The following ZFPM2 variants were observed in gnomAD, a reference collection of about 807,000 sequenced individuals.
The protein encoded by ZFPM2 is zinc finger protein, FOG family member 2.
In ZFPM2, 20 loss-of-function variants were observed where a neutral mutation model predicts 98.6. That is an observed-to-expected ratio of 0.20 (90% CI 0.14 to 0.29). The LOEUF (loss-of-function observed/expected upper bound fraction) is 0.29, where lower values mean the gene tolerates loss of function less well. Ranked by LOEUF, ZFPM2 falls within the 10% of genes least tolerant of loss-of-function variation. ZFPM2 has a pLI of 1.00. For missense variants in ZFPM2, 1,310 were observed against 1,388.6 expected (o/e 0.94, Z 0.90); for synonymous variants, 518 against 502.7 (o/e 1.03, Z -0.41).
chr8:105,437,323 C>A (rs1812140581), intron 2 of ZFPM2, among the ~76,000 whole-genome samples: 1 of 152,166 alleles, frequency 6.6e-6, no homozygotes, highest in South Asian at 2.1e-4. Flanking sequence ...TGGAGCAAAT[C>A]ATTCAATGAA....
intron 4 of ZFPM2, among the ~76,000 whole-genome samples, chr8:105,567,308 C>T (rs1815262408): frequency 6.6e-6 from 1 of 152,166 alleles, no homozygotes; most frequent in South Asian, 2.1e-4. Context: ...GAGCAAACTC[C>T]TTGCAAGCTG....
At chr8:105,798,999 T>A in intron 7 of ZFPM2, 51 bp downstream of exon 7, 1 of 1,457,514 alleles carries the variant, frequency 6.9e-7, no homozygotes. Flanking sequence ...CTGTTATTTT[T>A]ATAAATATAT....
intron 5 of ZFPM2, among the ~76,000 whole-genome samples, chr8:105,664,236 C>A (rs1817446982): frequency 6.6e-6 from 1 of 152,018 alleles, no homozygotes; most frequent in Non-Finnish European, 1.5e-5. Context: ...CTAAGTTATG[C>A]AGATCTTGCA....
At chr8:105,705,291 ATTAAGT>A (rs941033734) in intron 5 of ZFPM2, among the ~76,000 whole-genome samples, 26 of 152,170 alleles carry the variant, frequency 1.7e-4, no homozygotes, top group African/African-American at 3.4e-4. Context: ...TACAAATAAG[ATTAAGT>A]TTAAGACTGT....
At chr8:105,669,561 T>C (rs1469759364) in intron 5 of ZFPM2, among the ~76,000 whole-genome samples, 1 of 151,788 alleles carries the variant, frequency 6.6e-6, no homozygotes, top group African/African-American at 2.4e-5. Context: ...TGTGTGTGTG[T>C]GTGTAAATAA....
intron 5 of ZFPM2, among the ~76,000 whole-genome samples, chr8:105,775,077 T>TAAAAAAAAAAA (rs397968210): frequency 3.8e-5 from 4 of 104,926 alleles, no homozygotes; most frequent in Non-Finnish European, 2.0e-5. Flanking sequence ...CTCTTGGAAT[T>TAAAAAAAAAAA]AAAAAAAAAA....
chr8:105,342,241 A>T (rs1224524377), intron 1 of ZFPM2, among the ~76,000 whole-genome samples: 1 of 152,050 alleles, frequency 6.6e-6, no homozygotes, highest in Non-Finnish European at 1.5e-5. Flanking sequence ...TATAATGTCA[A>T]AATCTCCTTT....
intron 3 of ZFPM2, among the ~76,000 whole-genome samples, chr8:105,504,211 T>C (rs143320941): frequency 2.0e-4 from 31 of 152,318 alleles, no homozygotes; most frequent in African/African-American, 6.7e-4. Flanking sequence ...CAGAAGAGGA[T>C]ATTATCATCT....
At chr8:105,522,331 G>C (rs1170586803) in intron 3 of ZFPM2, among the ~76,000 whole-genome samples, 1 of 152,146 alleles carries the variant, frequency 6.6e-6, no homozygotes, top group African/African-American at 2.4e-5. Context: ...ATGTTTGGGA[G>C]AACAACATCT....
intron 1 of ZFPM2, among the ~76,000 whole-genome samples, chr8:105,388,806 TC>T (rs1464688097): frequency 6.6e-6 from 1 of 152,094 alleles, no homozygotes; most frequent in African/African-American, 2.4e-5. Context: ...TGCGTTGCTG[TC>T]CTCTTCCAAC....
chr8:105,729,186 T>A (rs143561876), intron 5 of ZFPM2, among the ~76,000 whole-genome samples: 97 of 151,864 alleles, frequency 6.4e-4, no homozygotes, highest in African/African-American at 2.2e-3. Context: ...GAAGGTTAAG[T>A]TCATTATTGT....
At position 105,788,628 on chromosome 8, in the gene ZFPM2, CATG is replaced by C. The variant is rs1312407433; in HGVS notation, c.533-88_533-86del. 2.3e-6 allele frequency: 3 copies of C among 1,277,624 alleles called. No individual in the cohort carries two copies. In the African/African-American group the frequency reaches 4.4e-5, roughly 19 times the overall value. The allele number at this position is 1,277,624 out of a possible 1,614,324, so 79.1% of individuals were successfully genotyped here. ...CTCCAGTAGAAACCAGTGTGAAAAACATGAGAAGGTGCTATGGACATCAATCTA... is the reference window on the plus strand; with the variant it reads ...CTCCAGTAGAAACCAGTGTGAAAAACAGAAGGTGCTATGGACATCAATCTA... On this transcript the variant is annotated intron_variant, in intron 5 of 7. Coordinates refer to ENST00000407775, the MANE Select transcript of ZFPM2 (RefSeq NM_012082.4).
intron 5 of ZFPM2, among the ~76,000 whole-genome samples, chr8:105,702,089 C>A (rs1179584180): frequency 6.6e-6 from 1 of 152,196 alleles, no homozygotes; most frequent in Non-Finnish European, 1.5e-5. Context: ...ATCCATCTTA[C>A]AATGTGGTTC....
intron 1 of ZFPM2, among the ~76,000 whole-genome samples, chr8:105,389,371 T>C (rs554133153): frequency 6.6e-6 from 1 of 152,058 alleles, no homozygotes; most frequent in South Asian, 2.1e-4. Flanking sequence ...ATATAAAGGG[T>C]TAAATGGACA....
intron 4 of ZFPM2, among the ~76,000 whole-genome samples, chr8:105,603,412 CT>C (rs1243676320): frequency 1.3e-5 from 2 of 152,046 alleles, no homozygotes; most frequent in Admixed American, 6.6e-5. Flanking sequence ...AAAAATGGTT[CT>C]GCCTAATTGG....
chr8:105,689,601 G>C (rs1313955412), intron 5 of ZFPM2, among the ~76,000 whole-genome samples: 2 of 152,176 alleles, frequency 1.3e-5, no homozygotes, highest in Admixed American at 6.5e-5. Flanking sequence ...GTATAAACAA[G>C]TTGAAAACTG....
At chr8:105,580,825 C>CTATATA (rs774123584) in intron 4 of ZFPM2, among the ~76,000 whole-genome samples, 290 of 135,090 alleles carry the variant, frequency 2.1e-3, no homozygotes, top group African/African-American at 4.6e-3. Context: ...CTCTCTCTCT[C>CTATATA]TCTATATATA....
chr8:105,724,020 A>T (rs1200971848), intron 5 of ZFPM2, among the ~76,000 whole-genome samples: 2 of 151,734 alleles, frequency 1.3e-5, no homozygotes, highest in African/African-American at 2.4e-5. Flanking sequence ...AAAATTATCA[A>T]ACCATCCTTT....
At chr8:105,686,255 C>G (rs756361201) in intron 5 of ZFPM2, among the ~76,000 whole-genome samples, 8 of 152,032 alleles carry the variant, frequency 5.3e-5, no homozygotes, top group African/African-American at 9.7e-5. Context: ...ATTTCAGTTC[C>G]TAGTTCAGCT....
Sources: allele counts gnomAD v4.1 joint callset (sites outside exome capture counted in the v4.1 genomes callset), GRCh38; gene constraint gnomAD v4.1.1; transcripts MANE v1.5; gene names NCBI Gene and HGNC (gene_info 2026-07-23, HGNC 2026-07-21).